OTUD7B: variants seen among roughly 807,000 people sequenced by gnomAD.
OTUD7B encodes OTU deubiquitinase 7B, also known as OTU domain-containing protein 7B.
OTUD7B carries 34 observed loss-of-function variants against 82.2 expected under a neutral mutation model. The ratio of observed to expected loss-of-function variants is 0.41; its 90% confidence interval spans 0.31 to 0.55. The LOEUF is 0.55. OTUD7B is among the 20% of genes least tolerant of loss of function. The pLI is 0.20. For synonymous variants in OTUD7B, 398 were observed against 402.7 expected, an observed-to-expected ratio of 0.99 and a Z score of 0.14; for missense variants, 944 against 1,062.1, an observed-to-expected ratio of 0.89 and a Z score of 1.55.
At chr1:150,045,808 C>T in the OTUD7B span, among the ~76,000 whole-genome samples, 2 of 152,238 alleles carry the variant, frequency 1.3e-5, no homozygotes, top group East Asian at 3.9e-4. Flanking sequence ...TTTTTATACT[C>T]CCTGCAATCT....
chr1:149,966,665 G>C (rs1223035793), intron 4 of OTUD7B, among the ~76,000 whole-genome samples: 1 of 151,822 alleles, frequency 6.6e-6, no homozygotes, highest in Non-Finnish European at 1.5e-5. Flanking sequence ...TTGAACTACT[G>C]AATGAAAAAC....
In OTUD7B at chr1:149,971,175, T is replaced by G. The variant is rs782451003; in HGVS notation, c.162A>C (p.Pro54=). 13 of 1,612,650 alleles carry G rather than the reference T, an allele frequency of 8.1e-6. No homozygotes were observed. The Admixed American group carries it at 2.2e-4, about 27-fold the overall frequency. ...AGCCACCACTCCCCTCACTAAAGGATGGGGGTAGGTTTCCAGCATGGACTT... is the reference window on the plus strand; with the variant it reads ...AGCCACCACTCCCCTCACTAAAGGAGGGGGGTAGGTTTCCAGCATGGACTT... The part of the protein sequence containing the change: ...LRQVHAGNLP[P]SFSEGSGGSR... The change falls in exon 3 of 12, where the codon CCA becomes CCC. Residue 54 remains proline, a synonymous_variant. Coordinates refer to ENST00000581312, the MANE Select transcript of OTUD7B (RefSeq NM_020205.4).
the OTUD7B span, among the ~76,000 whole-genome samples, chr1:150,051,460 A>G: frequency 1.3e-5 from 2 of 151,958 alleles, no homozygotes; most frequent in Admixed American, 6.6e-5. Flanking sequence ...TTTATTTAAC[A>G]TGTCATTGTT....
At chr1:149,964,624 C>T (rs1160508932) in intron 5 of OTUD7B, among the ~76,000 whole-genome samples, 1 of 151,808 alleles carries the variant, frequency 6.6e-6, no homozygotes, top group African/African-American at 2.4e-5. Context: ...GACAGAGTTT[C>T]ACTCTGTCCC....
the OTUD7B span, among the ~76,000 whole-genome samples, chr1:150,049,896 G>T: frequency 6.6e-6 from 1 of 152,134 alleles, no homozygotes; most frequent in East Asian, 1.9e-4. Flanking sequence ...TTTTAAAAAA[G>T]AAAGGTTATT....
chr1:149,964,405 T>C (rs1553776111), intron 5 of OTUD7B, 56 bp from the exon 6 acceptor site: 6 of 1,570,848 alleles, frequency 3.8e-6, no homozygotes, highest in Admixed American at 3.5e-5. Context: ...CTAATTTTTG[T>C]ATTTTTAGTA....
chr1:150,051,585 T>C, the OTUD7B span, among the ~76,000 whole-genome samples: 1 of 152,168 alleles, frequency 6.6e-6, no homozygotes, highest in Non-Finnish European at 1.5e-5. Flanking sequence ...TAGGTTTCTT[T>C]CCATCTGCTT....
Position 150,010,444 on chromosome 1 carries a change from T to C in OTUD7B, c.-67+4A>G, listed in dbSNP as rs998846102. On this transcript the variant is annotated splice_donor_region_variant and intron_variant, in intron 1 of 11. Coordinates refer to ENST00000581312, the MANE Select transcript of OTUD7B (RefSeq NM_020205.4). Reference sequence around the variant, plus strand: ...GACGGTGTCAGGACGGGGGGCTCCGTTACCCTCGCGGGCTCCCGGGGCAAG... The same window carrying C: ...GACGGTGTCAGGACGGGGGGCTCCGCTACCCTCGCGGGCTCCCGGGGCAAG... The C allele has an allele frequency of 2.0e-5, 3 of 152,320 alleles. No individual in the cohort carries two copies. The highest frequency in any genetic ancestry group is 1.9e-4 in the East Asian group (1 of 5,164). 9.4% of individuals were successfully genotyped at this position (152,320 alleles called of 1,614,324 possible).
the OTUD7B span, among the ~76,000 whole-genome samples, chr1:150,058,730 G>A: frequency 6.6e-6 from 1 of 152,056 alleles, no homozygotes; most frequent in Non-Finnish European, 1.5e-5. Flanking sequence ...TAAACAATAA[G>A]ATATGTCATA....
intron 1 of OTUD7B, among the ~76,000 whole-genome samples, chr1:149,994,122 T>A (rs1165845557): frequency 6.6e-6 from 1 of 152,084 alleles, no homozygotes; most frequent in Non-Finnish European, 1.5e-5. Flanking sequence ...TAAGAGTGAG[T>A]CCTATCCCAT....
chr1:149,962,222 C>G (rs1458361381), intron 6 of OTUD7B: 1 of 152,186 alleles, frequency 6.6e-6, no homozygotes, highest in Non-Finnish European at 1.5e-5. Flanking sequence ...TACACAGCCA[C>G]TAGGTGGTGT....
the OTUD7B span, among the ~76,000 whole-genome samples, chr1:150,030,690 T>A: frequency 6.6e-6 from 1 of 152,144 alleles, no homozygotes; most frequent in Non-Finnish European, 1.5e-5. Flanking sequence ...CTTCCTCAAC[T>A]CCCATTTGCT....
intron 1 of OTUD7B, among the ~76,000 whole-genome samples, chr1:149,998,480 C>T (rs748581282): frequency 3.3e-5 from 5 of 152,124 alleles, no homozygotes; most frequent in African/African-American, 4.8e-5. Context: ...ACTTTTCCTG[C>T]CCCCAAAACA....
intron 7 of OTUD7B, among the ~76,000 whole-genome samples, chr1:149,953,055 G>T (rs1347295303): frequency 6.6e-6 from 1 of 152,172 alleles, no homozygotes; most frequent in African/African-American, 2.4e-5. Context: ...AGTTTAATTA[G>T]ATCCCATTTG....
At chr1:150,067,129 G>T in the OTUD7B span, 3 of 152,278 alleles carry the variant, frequency 2.0e-5, no homozygotes, top group African/African-American at 7.2e-5. Context: ...GAGAACCTCA[G>T]GCCTTTCCCC....
At chr1:149,998,524 A>G (rs1052381082) in intron 1 of OTUD7B, among the ~76,000 whole-genome samples, 4 of 152,208 alleles carry the variant, frequency 2.6e-5, no homozygotes, top group Non-Finnish European at 4.4e-5. Context: ...TCCACCTTGA[A>G]TGTTTCCCCG....
At chr1:149,959,648 T>A (rs1553775242) in intron 7 of OTUD7B, 36 bp downstream of exon 7, 1 of 1,281,872 alleles carries the variant, frequency 7.8e-7, no homozygotes, top group South Asian at 1.2e-5. Context: ...GAGGACTCTA[T>A]GCAGGTTTCC....
chr1:150,002,989 G>A (rs1197110047), intron 1 of OTUD7B, among the ~76,000 whole-genome samples: 2 of 152,104 alleles, frequency 1.3e-5, no homozygotes, highest in Non-Finnish European at 2.9e-5. Context: ...GGTGGCTCTC[G>A]CCTGTAATCC....
the OTUD7B span, chr1:150,066,911 G>A: frequency 1.3e-5 from 2 of 152,202 alleles, no homozygotes; most frequent in African/African-American, 4.8e-5. The surrounding 1 kb of genome is among the most constrained non-coding windows in gnomAD (Gnocchi z 4.6). Flanking sequence ...GCTAGTTTTA[G>A]TTCTACCGGA....
Sources: allele counts gnomAD v4.1 joint callset (sites outside exome capture counted in the v4.1 genomes callset), GRCh38; gene constraint gnomAD v4.1.1; non-coding constraint Gnocchi (gnomAD v3.1); transcripts MANE v1.5; gene names NCBI Gene and HGNC (gene_info 2026-07-23, HGNC 2026-07-21).